Variants in LRMDA observed in about 807,000 individuals in gnomAD.
LRMDA encodes leucine rich melanocyte differentiation associated.
Under a neutral mutation model 29.8 loss-of-function variants are expected in LRMDA, and 18 were observed. That is an observed-to-expected ratio of 0.60 (90% CI 0.42 to 0.90). The LOEUF (loss-of-function observed/expected upper bound fraction) is 0.90. LRMDA is among the 40% of genes least tolerant of loss of function. LRMDA has a pLI of 0.00. For synonymous variants in LRMDA, 125 were observed against 109.4 expected, an observed-to-expected ratio of 1.14 and a Z score of -0.89; for missense variants, 273 against 273.9, an observed-to-expected ratio of 1.00 and a Z score of 0.02.
intron 2 of LRMDA, among the ~76,000 whole-genome samples, chr10:75,565,378 T>C (rs1840357115): frequency 6.6e-6 from 1 of 152,130 alleles, no homozygotes; most frequent in African/African-American, 2.4e-5. Flanking sequence ...CAGCCATTCA[T>C]GGAGGGTGCC....
chr10:75,575,806 G>A (rs374562013), intron 2 of LRMDA, among the ~76,000 whole-genome samples: 2 of 152,284 alleles, frequency 1.3e-5, no homozygotes, highest in East Asian at 1.9e-4. Flanking sequence ...GAAGGCATTA[G>A]GGACTGTATC....
intron 2 of LRMDA, among the ~76,000 whole-genome samples, chr10:75,984,878 T>C (rs2395335): frequency 0.67 from 102,201 of 152,188 alleles, 34,362 homozygotes; most frequent in South Asian, 0.73. Context: ...GCATTCTTAA[T>C]GAGCCTCAAT....
At chr10:75,790,793 C>A (rs1843552609) in intron 2 of LRMDA, among the ~76,000 whole-genome samples, 1 of 152,180 alleles carries the variant, frequency 6.6e-6, no homozygotes, top group South Asian at 2.1e-4. Context: ...ATTTCAAGGG[C>A]TGTGAGTCTC....
chr10:76,040,342 C>T (rs377245621), intron 3 of LRMDA, among the ~76,000 whole-genome samples: 1 of 152,170 alleles, frequency 6.6e-6, no homozygotes, highest in African/African-American at 2.4e-5. Context: ...GCCTCCCTGC[C>T]ATCTGCATAC....
intron 5 of LRMDA, among the ~76,000 whole-genome samples, chr10:76,233,419 G>T (rs1852095991): frequency 6.6e-6 from 1 of 152,208 alleles, no homozygotes; most frequent in Non-Finnish European, 1.5e-5. Flanking sequence ...GTTGCTGGCT[G>T]CTGACTGATC....
intron 6 of LRMDA, among the ~76,000 whole-genome samples, chr10:76,372,031 G>A (rs1418371836): frequency 6.6e-6 from 1 of 152,120 alleles, no homozygotes; most frequent in East Asian, 1.9e-4. Context: ...TGGAAATATG[G>A]ATCTTTGACC....
intron 2 of LRMDA, among the ~76,000 whole-genome samples, chr10:75,624,835 A>G (rs554664464): frequency 6.6e-6 from 1 of 152,328 alleles, no homozygotes; most frequent in East Asian, 1.9e-4. Context: ...TGGAGTAATA[A>G]TGCAATAAAT....
intron 2 of LRMDA, among the ~76,000 whole-genome samples, chr10:75,533,390 A>G (rs889346352): frequency 1.3e-5 from 2 of 152,230 alleles, no homozygotes; most frequent in Admixed American, 6.5e-5. Context: ...CTTTGGATCT[A>G]CTTCAGGAAA....
At chr10:76,150,184 G>A (rs551074373) in intron 5 of LRMDA, among the ~76,000 whole-genome samples, 66 of 152,334 alleles carry the variant, frequency 4.3e-4, no homozygotes, top group African/African-American at 1.5e-3. Flanking sequence ...ACACACTTCT[G>A]TGGCAGATGC....
At chr10:76,551,015 G>A (rs1291149451) in intron 6 of LRMDA, among the ~76,000 whole-genome samples, 1 of 152,070 alleles carries the variant, frequency 6.6e-6, no homozygotes, top group Non-Finnish European at 1.5e-5. Context: ...ATAAAACATG[G>A]GTGTTTATTC....
intron 6 of LRMDA, among the ~76,000 whole-genome samples, chr10:76,451,265 G>C (rs1301245508): frequency 1.3e-5 from 2 of 150,718 alleles, no homozygotes; most frequent in Non-Finnish European, 3.0e-5. Flanking sequence ...GCAGTGGTGT[G>C]ATCTCGGCTC....
At chr10:76,365,126 A>C (rs1841377737) in intron 6 of LRMDA, among the ~76,000 whole-genome samples, 1 of 144,278 alleles carries the variant, frequency 6.9e-6, no homozygotes, top group Non-Finnish European at 1.5e-5. Flanking sequence ...ACACATACAC[A>C]CCACAGTTTC....
chr10:76,405,697 A>G (rs1191351159), intron 6 of LRMDA, among the ~76,000 whole-genome samples: 1 of 152,236 alleles, frequency 6.6e-6, no homozygotes, highest in African/African-American at 2.4e-5. Context: ...AGAGCAGTGG[A>G]GACAATCACA....
chr10:76,151,294 T>C (rs1179977455), intron 5 of LRMDA, among the ~76,000 whole-genome samples: 5 of 152,346 alleles, frequency 3.3e-5, no homozygotes, highest in African/African-American at 1.2e-4. Context: ...TAAACAGTTA[T>C]GCGGCTTGCT....
chr10:76,014,220 T>A (rs1350494154), intron 2 of LRMDA, among the ~76,000 whole-genome samples: 4 of 148,172 alleles, frequency 2.7e-5, no homozygotes, highest in Non-Finnish European at 5.9e-5. Context: ...TATGACTGCT[T>A]CTACATGGAG....
intron 2 of LRMDA, among the ~76,000 whole-genome samples, chr10:76,014,148 A>AAT (rs1847842797): frequency 5.7e-5 from 8 of 140,344 alleles, no homozygotes; most frequent in Middle Eastern, 3.7e-3. Context: ...ATATATAATT[A>AAT]TATATATATA....
chr10:75,482,034 G>C (rs988873037), intron 2 of LRMDA, among the ~76,000 whole-genome samples: 1 of 152,070 alleles, frequency 6.6e-6, no homozygotes, highest in Admixed American at 6.5e-5. Context: ...CTCTTTTATG[G>C]CTGTGGCAGA....
chr10:75,579,025 C>A (rs1309557327), intron 2 of LRMDA, among the ~76,000 whole-genome samples: 1 of 152,024 alleles, frequency 6.6e-6, no homozygotes, highest in Admixed American at 6.6e-5. Flanking sequence ...CAGGAGCAAA[C>A]AAATTCAAAA....
chr10:75,920,619 G>A (rs1846010900), intron 2 of LRMDA, among the ~76,000 whole-genome samples: 4 of 152,144 alleles, frequency 2.6e-5, no homozygotes, highest in Admixed American at 2.6e-4. Context: ...TCACATAGCT[G>A]ATTGTTATGG....
Sources: gnomAD v4.1 joint callset for allele counts (sites outside exome capture counted in the v4.1 genomes callset) on GRCh38, gnomAD v4.1.1 for gene constraint, MANE v1.5 for transcripts, NCBI Gene and HGNC (gene_info 2026-07-23, HGNC 2026-07-21) for gene names.